Variants in PEMT observed in about 807,000 individuals in gnomAD.
PEMT encodes the protein phospholipid methyltransferase.
In PEMT, 23 loss-of-function variants were observed where a neutral mutation model predicts 27.4. The ratio of observed to expected loss-of-function variants is 0.84; its 90% confidence interval spans 0.60 to 1.19. PEMT has a LOEUF of 1.19. Ranked by LOEUF, PEMT falls within the 50% of genes most tolerant of loss-of-function variation. The pLI, the probability that PEMT is intolerant of heterozygous loss-of-function variation, is 0.00. For missense variants in PEMT, 307 were observed against 310.1 expected, an observed-to-expected ratio of 0.99 and a Z score of 0.07; for synonymous variants, 137 against 139.1, an observed-to-expected ratio of 0.98 and a Z score of 0.11.
upstream of PEMT, chr17:17,592,091 G>A: frequency 2.0e-6 from 2 of 985,172 alleles, no homozygotes; most frequent in Non-Finnish European, 2.4e-6. Context: ...CACACGCCCA[G>A]GGCCCCACAC....
chr17:17,552,940 G>A (rs376816335), intron 2 of PEMT, among the ~76,000 whole-genome samples: 100 of 152,296 alleles, frequency 6.6e-4, no homozygotes, highest in African/African-American at 2.3e-3. Context: ...AGCCTTGGCT[G>A]GAGGGCGGCC....
chr17:17,584,221 G>A (rs183565990), intron 1 of PEMT, among the ~76,000 whole-genome samples: 108 of 152,010 alleles, frequency 7.1e-4, no homozygotes, highest in African/African-American at 2.5e-3. Context: ...GTACAGTGGC[G>A]CGATCTCTGC....
rs991208778 is a variant in PEMT, at chr17:17,510,993, C to T, written c.467-1448G>A. On this transcript the variant is annotated intron_variant, in intron 4 of 6. Transcript: ENST00000255389. Reference sequence around the variant, plus strand: ...CTCCACAGCTCCTCCTGAGCCCCACCTCTGATCCTGGCTCCATCGGTCCAA... The same window carrying T: ...CTCCACAGCTCCTCCTGAGCCCCACTTCTGATCCTGGCTCCATCGGTCCAA... Among the ~76,000 whole-genome samples, 4 of 152,262 alleles carry T rather than the reference C, an allele frequency of 2.6e-5. No individual in the cohort carries two copies. In the South Asian group the frequency reaches 8.3e-4, roughly 32 times the overall value.
rs887389506 is a variant in PEMT, at chr17:17,561,493, G to A, written c.204+15427C>T. On this transcript the variant is annotated intron_variant, in intron 2 of 6. Coordinates refer to ENST00000255389, the MANE Select transcript of PEMT (RefSeq NM_148172.3). The surrounding 1 kb of genome is among the most constrained non-coding windows in gnomAD (Gnocchi z 4.5). ...AACAGATGCCCTGGGGTGGCTGCCC[G>A]AGGGGGAAGCGGACGGTAAGGCTGG... is the stretch of plus-strand genomic sequence containing the variant. Among the ~76,000 whole-genome samples the A allele has an allele frequency of 2.0e-5, 3 of 152,198 alleles. No homozygotes were observed. The highest frequency in any genetic ancestry group is 2.9e-5 in the Non-Finnish European group (2 of 68,042).
At chr17:17,544,771 A>G (rs1597912893) in intron 2 of PEMT, among the ~76,000 whole-genome samples, 1 of 152,296 alleles carries the variant, frequency 6.6e-6, no homozygotes, top group East Asian at 1.9e-4. Context: ...CTTCCCAACC[A>G]GCAGACACGG....
chr17:17,567,127 A>C (rs1266136621), intron 2 of PEMT, among the ~76,000 whole-genome samples: 1 of 152,242 alleles, frequency 6.6e-6, no homozygotes, highest in Non-Finnish European at 1.5e-5. Context: ...CTGGAGTATG[A>C]GGAACCTACA....
intron 2 of PEMT, among the ~76,000 whole-genome samples, chr17:17,574,533 C>T (rs11871667): frequency 0.45 from 67,810 of 151,788 alleles, 15,697 homozygotes; most frequent in Middle Eastern, 0.52. Context: ...GTTGGCCAGG[C>T]TGGTCTCGAA....
chr17:17,535,567 GAA>G (rs35903619), intron 2 of PEMT, among the ~76,000 whole-genome samples: 70,591 of 141,432 alleles, frequency 0.5, 16,949 homozygotes, highest in Non-Finnish European at 0.56. Flanking sequence ...TCCGTCTCAA[GAA>G]AAAAAAAAAA....
intron 5 of PEMT, 50 bp downstream of exon 5, chr17:17,509,384 T>C (rs752698119): frequency 3.2e-6 from 4 of 1,248,648 alleles, no homozygotes; most frequent in Middle Eastern, 2.0e-4. Flanking sequence ...CACCAGCTCC[T>C]CTCCGGGAGG....
chr17:17,517,915 A>C, intron 3 of PEMT: 1 of 941,216 alleles, frequency 1.1e-6, no homozygotes, highest in South Asian at 4.9e-5. Context: ...ACCCACCCAG[A>C]CCACCTTCCA....
intron 2 of PEMT, among the ~76,000 whole-genome samples, chr17:17,525,534 A>G (rs1461273150): frequency 1.3e-5 from 2 of 152,206 alleles, no homozygotes; most frequent in Non-Finnish European, 2.9e-5. Flanking sequence ...CTTAGTAGGC[A>G]GCGGCGTGGC....
Position 17,506,299 on chromosome 17 carries a change from T to C in PEMT, c.581A>G (p.His194Arg), listed in dbSNP as rs1380670626. ...TANYLGWAIM[H>R]ASPTGLLLTV... The stretch of plus-strand genomic sequence containing the variant: ...CAGGAGCAGGCCCGTGGGGCTGGCG[T>C]GCCTGAAAGGACAGAGGCAGGTCAG... Residue 194 changes from histidine to arginine, a missense_variant and splice_region_variant, in exon 6 of 7, where the codon CAC becomes CGC. Physicochemically the swap from His to Arg is conservative, Grantham distance 29. Transcript: ENST00000255389. 6.4e-7 allele frequency: 1 copy of C among 1,574,364 alleles called. No homozygotes were observed. The highest frequency in any genetic ancestry group is 8.6e-7 in the Non-Finnish European group (1 of 1,159,152).
Position 17,506,303 on chromosome 17 carries a change from T to G in PEMT, c.579-2A>C, listed in dbSNP as rs1905838678. 1 of 1,571,370 alleles carries G rather than the reference T, an allele frequency of 6.4e-7. No homozygotes were observed. The highest frequency in any genetic ancestry group is 1.8e-5 in the Admixed American group (1 of 54,532). ...AGCAGGCCCGTGGGGCTGGCGTGCC[T>G]GAAAGGACAGAGGCAGGTCAGGCCT... is the stretch of plus-strand genomic sequence containing the variant. On this transcript the variant is annotated splice_acceptor_variant, in intron 5 of 6. Transcript: ENST00000255389. LOFTEE classifies it high-confidence loss of function.
At chr17:17,545,397 GAGCCCAT>G (rs1340275026) in intron 2 of PEMT, among the ~76,000 whole-genome samples, 217 of 152,310 alleles carry the variant, frequency 1.4e-3, no homozygotes, top group African/African-American at 5.1e-3. Flanking sequence ...CCACCTGGAG[GAGCCCAT>G]TGCCTGCCTA....
intron 2 of PEMT, among the ~76,000 whole-genome samples, chr17:17,534,880 T>C (rs1908345777): frequency 6.6e-6 from 1 of 151,756 alleles, no homozygotes. Context: ...GTAAGTTGGT[T>C]ATTCCTCTAT....
At chr17:17,551,195 G>A (rs1303058501) in intron 2 of PEMT, among the ~76,000 whole-genome samples, 1 of 152,192 alleles carries the variant, frequency 6.6e-6, no homozygotes, top group East Asian at 1.9e-4. Context: ...ACGCCATGCA[G>A]AAGGCTGCAG....
chr17:17,587,105 G>A (rs1912355275), intron 1 of PEMT, among the ~76,000 whole-genome samples: 1 of 151,454 alleles, frequency 6.6e-6, no homozygotes, highest in Non-Finnish European at 1.5e-5. Flanking sequence ...TTGAAAACAG[G>A]AAAACAATAG....
intron 1 of PEMT, among the ~76,000 whole-genome samples, chr17:17,586,294 A>AGAAAGAAAG (rs1567759769): frequency 3.6e-5 from 5 of 139,364 alleles, no homozygotes; most frequent in African/African-American, 9.9e-5. Context: ...GAAAGAAAAA[A>AGAAAGAAAG]AAAAACGCAG....
intron 3 of PEMT, among the ~76,000 whole-genome samples, chr17:17,520,852 C>A (rs1223432941): frequency 6.6e-6 from 1 of 152,276 alleles, no homozygotes; most frequent in Non-Finnish European, 1.5e-5. Flanking sequence ...ACCCTGACCA[C>A]GCTGCTCACC....
Sources: gnomAD v4.1 joint callset for allele counts (sites outside exome capture counted in the v4.1 genomes callset) on GRCh38, gnomAD v4.1.1 for gene constraint, Gnocchi (gnomAD v3.1) non-coding constraint, MANE v1.5 for transcripts, NCBI Gene and HGNC (gene_info 2026-07-23, HGNC 2026-07-21) for gene names.